Variants in PARD3 observed in about 807,000 individuals in gnomAD.
PARD3 encodes the protein partitioning defective 3 homolog.
A neutral mutation model predicts 155.4 loss-of-function variants in PARD3; 75 were observed. The observed-to-expected ratio is 0.48, with a 90% confidence interval of 0.40 to 0.58. PARD3 has a LOEUF of 0.58. Ranked by LOEUF, PARD3 falls within the 20% of genes least tolerant of loss-of-function variation. The probability of loss-of-function intolerance (pLI) is 0.00; values close to 1 mark genes in which losing one functional copy is unlikely to be tolerated. For synonymous variants in PARD3, 576 were observed against 610.5 expected (o/e 0.94, Z 0.83); for missense variants, 1,642 against 1,721.7 (o/e 0.95, Z 0.82).
intron 7 of PARD3, among the ~76,000 whole-genome samples, chr10:34,394,911 C>T (rs1843173873): frequency 6.6e-6 from 1 of 151,418 alleles, no homozygotes; most frequent in Non-Finnish European, 1.5e-5. Context: ...ATACCTACAA[C>T]CAGGTTCTAG....
intron 20 of PARD3, among the ~76,000 whole-genome samples, chr10:34,284,714 T>C (rs1400567899): frequency 6.6e-6 from 1 of 152,188 alleles, no homozygotes; most frequent in Non-Finnish European, 1.5e-5. Context: ...GAAACATTCA[T>C]CATAGTTTAA....
intron 2 of PARD3, among the ~76,000 whole-genome samples, chr10:34,682,177 C>T (rs1028922685): frequency 1.3e-5 from 2 of 152,134 alleles, no homozygotes; most frequent in Non-Finnish European, 2.9e-5. Context: ...GGTCATCATT[C>T]GACTGTGCCC....
chr10:34,420,459 AG>A (rs1364938584), intron 5 of PARD3, among the ~76,000 whole-genome samples: 1 of 152,210 alleles, frequency 6.6e-6, no homozygotes, highest in Non-Finnish European at 1.5e-5. Context: ...GATCTTAAAG[AG>A]GATGAAACAG....
chr10:34,355,653 G>A (rs1292583306), intron 14 of PARD3, among the ~76,000 whole-genome samples: 5 of 152,062 alleles, frequency 3.3e-5, no homozygotes, highest in African/African-American at 1.2e-4. Context: ...ACCTGGTGGG[G>A]CGCAGTGGCT....
intron 24 of PARD3, among the ~76,000 whole-genome samples, chr10:34,115,190 TGGAGAGAACGC>T (rs1224587063): frequency 1.3e-5 from 2 of 151,602 alleles, no homozygotes; most frequent in Non-Finnish European, 2.9e-5. Context: ...ATGGGCCTCG[TGGAGAGAACGC>T]GGGAGGGTGC....
At chr10:34,307,502 G>A (rs1957472736) in intron 20 of PARD3, among the ~76,000 whole-genome samples, 1 of 152,174 alleles carries the variant, frequency 6.6e-6, no homozygotes, top group African/African-American at 2.4e-5. Flanking sequence ...GATGTGGGCA[G>A]GGCCTGGGAT....
Position 34,308,335 on chromosome 10 carries a change from T to C in PARD3, c.3065+8772A>G, listed in dbSNP as rs567463358. ...GAGGCAGGGAGCACAGTGAGAGGGC[T>C]ACTGCCTAAGCCAGGAAGAGGGCAC... is the stretch of plus-strand genomic sequence containing the variant. On this transcript the variant is annotated intron_variant, in intron 20 of 24. Coordinates refer to ENST00000374788, the MANE Select transcript of PARD3 (RefSeq NM_001184785.2). Among the ~76,000 whole-genome samples, 3 of 152,324 alleles carry C rather than the reference T, an allele frequency of 2.0e-5. No homozygotes were observed. The South Asian group carries it at 6.2e-4, about 32-fold the overall frequency.
chr10:34,176,947 T>TTGTGTGTGTGTGTGTGTGTGTG (rs55740137), intron 22 of PARD3, among the ~76,000 whole-genome samples: 2 of 149,472 alleles, frequency 1.3e-5, no homozygotes, highest in African/African-American at 4.9e-5. Context: ...GAGAAGCAGG[T>TTGTGTGTGTGTGTGTGTGTGTG]TGTGTGTGTG....
chr10:34,172,067 C>A (rs571841235), intron 22 of PARD3, among the ~76,000 whole-genome samples: 6 of 151,432 alleles, frequency 4.0e-5, no homozygotes, highest in African/African-American at 1.5e-4. Flanking sequence ...AATCTCTCTA[C>A]CCTTGTGAAA....
intron 23 of PARD3, among the ~76,000 whole-genome samples, chr10:34,123,351 T>C (rs548342260): frequency 2.0e-5 from 3 of 152,330 alleles, no homozygotes; most frequent in East Asian, 3.9e-4. Context: ...TATAAAGGGA[T>C]AATAATTCAA....
At chr10:34,282,813 C>T (rs1214025846) in intron 21 of PARD3, among the ~76,000 whole-genome samples, 1 of 152,036 alleles carries the variant, frequency 6.6e-6, no homozygotes, top group Non-Finnish European at 1.5e-5. Flanking sequence ...TGCTATGGCA[C>T]ACACACTAAG....
rs1000488869 is a variant in PARD3, at chr10:34,479,444, C to T, written c.404-9181G>A. On this transcript the variant is annotated intron_variant, in intron 3 of 24. Transcript: ENST00000374788. ...CCAAAGTCCTGGGATTACTTTGGGG[C>T]GCGTGAGCCACGGCACCCAGCCTTT... Among the ~76,000 whole-genome samples, 7 of 152,124 alleles carry T rather than the reference C, an allele frequency of 4.6e-5. No individual in the cohort carries two copies. In the South Asian group the frequency reaches 8.3e-4, roughly 18 times the overall value.
chr10:34,432,433 A>G (rs1435500931), intron 5 of PARD3, among the ~76,000 whole-genome samples: 3 of 152,024 alleles, frequency 2.0e-5, no homozygotes, highest in African/African-American at 7.2e-5. Flanking sequence ...AAAAAATTAG[A>G]GAGAAGATAA....
chr10:34,319,575 A>T (rs184334673), intron 19 of PARD3, among the ~76,000 whole-genome samples: 26 of 151,408 alleles, frequency 1.7e-4, no homozygotes, highest in Non-Finnish European at 3.5e-4. Context: ...GGACATAGTG[A>T]AAATCCATAA....
At chr10:34,796,491 T>C (rs530765802) in intron 1 of PARD3, among the ~76,000 whole-genome samples, 40 of 152,372 alleles carry the variant, frequency 2.6e-4, no homozygotes, top group Admixed American at 2.6e-3. Context: ...GGTTAAGTGT[T>C]ATTTGAAACT....
intron 4 of PARD3, among the ~76,000 whole-genome samples, chr10:34,457,291 G>T (rs1339806943): frequency 2.6e-5 from 4 of 152,204 alleles, no homozygotes; most frequent in African/African-American, 7.2e-5. Flanking sequence ...TGTCCAGAGA[G>T]CCAACCAGGG....
intron 1 of PARD3, among the ~76,000 whole-genome samples, chr10:34,737,607 G>A (rs1040396296): frequency 3.3e-5 from 5 of 152,180 alleles, no homozygotes; most frequent in African/African-American, 1.2e-4. Flanking sequence ...GAGAGGAGGT[G>A]CCTTTAGAAG....
At chr10:34,805,916 G>A (rs1843321590) in intron 1 of PARD3, among the ~76,000 whole-genome samples, 1 of 151,930 alleles carries the variant, frequency 6.6e-6, no homozygotes, top group Non-Finnish European at 1.5e-5. Context: ...GGTGGAGCTT[G>A]CAGTGAGCCG....
At chr10:34,675,878 T>C (rs552675204) in intron 2 of PARD3, 2 of 198,924 alleles carry the variant, frequency 1.0e-5, no homozygotes, top group African/African-American at 4.6e-5. Flanking sequence ...CTCATCACAG[T>C]TGGATACAGG....
Sources: allele counts gnomAD v4.1 joint callset (sites outside exome capture counted in the v4.1 genomes callset), GRCh38; gene constraint gnomAD v4.1.1; transcripts MANE v1.5; gene names NCBI Gene and HGNC (gene_info 2026-07-23, HGNC 2026-07-21).